The following KDM6A variants were observed in gnomAD, a reference collection of about 807,000 sequenced individuals.
KDM6A encodes the protein lysine-specific demethylase 6A.
A neutral mutation model predicts 117.6 loss-of-function variants in KDM6A; 11 were observed. The ratio of observed to expected loss-of-function variants is 0.09; its 90% CI spans 0.06 to 0.15. KDM6A has a LOEUF of 0.15. KDM6A is among the 10% of genes least tolerant of loss of function. The pLI, the probability that KDM6A is intolerant of heterozygous loss-of-function variation, is 1.00. For missense variants in KDM6A, 799 were observed against 1,077.3 expected (o/e 0.74, Z 3.62); for synonymous variants, 384 against 396.1 (o/e 0.97, Z 0.36).
At chrX:44,881,161 G>A (rs1348055029) in intron 2 of KDM6A, among the ~76,000 whole-genome samples, 2 of 112,858 alleles carry the variant, frequency 1.8e-5, no homozygotes, top group Non-Finnish European at 3.7e-5. Flanking sequence ...TGGGCCGGGC[G>A]CGGTGGCGCA....
chrX:44,894,603 TAA>T (rs2033644504), intron 2 of KDM6A, among the ~76,000 whole-genome samples: 2 of 100,204 alleles, frequency 2.0e-5, no homozygotes, highest in African/African-American at 3.8e-5. Flanking sequence ...TTTGTCAACT[TAA>T]TTAATTAATT....
chrX:45,105,787 C>T (rs1254838222), intron 27 of KDM6A, among the ~76,000 whole-genome samples: 2 of 112,185 alleles, frequency 1.8e-5, no homozygotes, highest in Admixed American at 9.4e-5. Flanking sequence ...ATCAGTCCTT[C>T]GCCTGTTAGG....
intron 2 of KDM6A, among the ~76,000 whole-genome samples, chrX:44,889,829 T>C (rs928581428): frequency 1.8e-5 from 2 of 112,439 alleles, no homozygotes; most frequent in South Asian, 3.6e-4. Context: ...GCAACACTTA[T>C]GTATTGACTT....
In KDM6A at chrX:44,873,559, C is replaced by T. The variant is rs778311486; in HGVS notation, c.8C>T (p.Ser3Phe). ...TGAATTCGCTGCGTTTCCATGAAAT[C>T]CTGCGGAGTGTCGCTCGCTACCGCC... MKSCGVSLATAAA... is the reference protein window; with the variant it reads MKFCGVSLATAAA... Residue 3 changes from serine (S) to phenylalanine (F), a missense_variant, in exon 1 of 30, where the codon TCC (serine) becomes TTC (phenylalanine). Coordinates refer to ENST00000611820, the MANE Select transcript of KDM6A (RefSeq NM_001291415.2). 1 of 1,207,654 alleles carries T rather than the reference C, an allele frequency of 8.3e-7. No homozygotes were observed. Among genetic ancestry groups the T allele is most frequent in the South Asian group, 1.8e-5 (1 of 56,756 alleles).
At chrX:45,097,538 C>T (rs776332139) in intron 27 of KDM6A, among the ~76,000 whole-genome samples, 1 of 111,055 alleles carries the variant, frequency 9.0e-6, no homozygotes, top group South Asian at 3.8e-4. Context: ...GGTCAAATTT[C>T]AGCACCACAT....
At position 44,921,910 on chromosome X, in the gene KDM6A, C is replaced by T. The variant is rs192746050; in HGVS notation, c.226-39374C>T. ...TGATCTTCCCCATTTTATATTCCTA[C>T]TAACAATGTATGAGTGACCCAGTTT... On this transcript the variant is annotated intron_variant, in intron 2 of 29. Coordinates refer to ENST00000611820, the MANE Select transcript of KDM6A (RefSeq NM_001291415.2). Among the ~76,000 whole-genome samples the T allele has an allele frequency of 2.7e-3, 285 of 107,138 alleles. 1 individual carries two copies. The highest frequency in any genetic ancestry group is 3.5e-3 in the Non-Finnish European group (180 of 52,084). 93.0% of individuals were successfully genotyped at this position (107,138 alleles called of 115,157 possible). A position where few individuals can be genotyped will look rare whatever the true frequency, so the allele number is the denominator to read the frequency against.
chrX:45,005,086 G>A (rs1016156153), intron 4 of KDM6A, among the ~76,000 whole-genome samples: 8 of 111,110 alleles, frequency 7.2e-5, no homozygotes, highest in Non-Finnish European at 1.1e-4. Flanking sequence ...GGTATGGAGG[G>A]AAATGGGAAA....
intron 1 of KDM6A, 63 bp from the exon 2 acceptor site, chrX:44,873,861 G>T: frequency 8.6e-7 from 1 of 1,168,179 alleles, no homozygotes; most frequent in East Asian, 3.0e-5. Flanking sequence ...CCTCGGGCTC[G>T]GGCAGGGACG....
rs1645236313 is a variant in KDM6A at position 44,977,332 on chromosome X, C to T, written c.384+2617C>T. Among the ~76,000 whole-genome samples the T allele has an allele frequency of 2.7e-5, 3 of 111,415 alleles. No individual in the cohort carries two copies. The South Asian group carries it at 1.1e-3, about 42-fold the overall frequency. On this transcript the variant is annotated intron_variant, in intron 4 of 29. Coordinates refer to ENST00000611820, the MANE Select transcript of KDM6A (RefSeq NM_001291415.2). ...GCAGTGGTGCAATCAGAGCTCACTG[C>T]AGCCTTGAATTCCTGGGCTCAAGTG...
chrX:44,904,592 G>A (rs1394422696), intron 2 of KDM6A, among the ~76,000 whole-genome samples: 1 of 111,504 alleles, frequency 9.0e-6, no homozygotes, highest in African/African-American at 3.3e-5. Flanking sequence ...TCAAGTAAAG[G>A]GATTTCACAC....
At chrX:44,924,651 G>GTGTA (rs2036194923) in intron 2 of KDM6A, among the ~76,000 whole-genome samples, 1 of 45,712 alleles carries the variant, frequency 2.2e-5, no homozygotes, top group South Asian at 8.2e-4. Context: ...GGTCCTGGGT[G>GTGTA]TGTGTGTGTG....
intron 4 of KDM6A, among the ~76,000 whole-genome samples, chrX:44,986,886 T>C (rs2040256228): frequency 8.9e-6 from 1 of 111,991 alleles, no homozygotes; most frequent in African/African-American, 3.3e-5. Context: ...ATGTATATTC[T>C]GTTGATTTGG....
intron 6 of KDM6A, among the ~76,000 whole-genome samples, chrX:45,025,824 T>C (rs2042344986): frequency 8.9e-6 from 1 of 112,446 alleles, no homozygotes; most frequent in South Asian, 3.6e-4. Context: ...GGTGCCTTTT[T>C]TATGGAAACC....
chrX:45,055,264 A>G (rs1156644983), intron 10 of KDM6A, among the ~76,000 whole-genome samples: 2 of 110,839 alleles, frequency 1.8e-5, no homozygotes, highest in East Asian at 5.6e-4. Context: ...TGAGACATTA[A>G]TTTTAATTAA....
At chrX:44,932,586 A>T (rs1258564634) in intron 2 of KDM6A, among the ~76,000 whole-genome samples, 1 of 111,264 alleles carries the variant, frequency 9.0e-6, no homozygotes, top group African/African-American at 3.3e-5. Context: ...TGACATACCA[A>T]GGTCTCTTGA....
At chrX:44,961,445 A>AT in intron 3 of KDM6A, 53 bp downstream of exon 3, 1 of 817,371 alleles carries the variant, frequency 1.2e-6, no homozygotes, top group Non-Finnish European at 1.8e-6. Flanking sequence ...TTGGATTGTA[A>AT]TTATTTGTGC....
chrX:44,950,668 G>T (rs1415377848), intron 2 of KDM6A, among the ~76,000 whole-genome samples: 1 of 110,802 alleles, frequency 9.0e-6, no homozygotes. Context: ...AAGTTTTGGA[G>T]TTAGTAGTAA....
chrX:45,002,548 A>T (rs145155711), intron 4 of KDM6A, among the ~76,000 whole-genome samples: 1,636 of 112,251 alleles, frequency 0.015, 14 homozygotes, highest in African/African-American at 0.049. Context: ...TGTAGGTAAA[A>T]ATGCACATTC....
chrX:45,109,230 A>G (rs940437935), intron 28 of KDM6A, among the ~76,000 whole-genome samples: 1 of 110,884 alleles, frequency 9.0e-6, no homozygotes, highest in Admixed American at 9.6e-5. Context: ...GGCAATGGGA[A>G]TATTAAAGAA....
Sources: gnomAD v4.1 joint callset for allele counts (sites outside exome capture counted in the v4.1 genomes callset) on GRCh38, gnomAD v4.1.1 for gene constraint, MANE v1.5 for transcripts, NCBI Gene and HGNC (gene_info 2026-07-23, HGNC 2026-07-21) for gene names.